C3orf70: variants seen among roughly 807,000 people sequenced by gnomAD.
The protein encoded by C3orf70 is chromosome 3 open reading frame 70, also known as UPF0524 protein C3orf70.
Under a neutral mutation model 20.7 loss-of-function variants are expected in C3orf70, and 15 were observed. The observed-to-expected ratio is 0.72, with a 90% CI of 0.48 to 1.11. The LOEUF (loss-of-function observed/expected upper bound fraction) is 1.11, where lower values mean the gene tolerates loss of function less well. C3orf70 is among the 50% of genes most tolerant of loss of function. The pLI, the probability that C3orf70 is intolerant of heterozygous loss-of-function variation, is 0.00. For synonymous variants in C3orf70, 161 were observed against 125.7 expected (o/e 1.28, Z -1.88); for missense variants, 332 against 317.6 (o/e 1.05, Z -0.34).
chr3:185,144,691 T>G (rs1219312051), intron 1 of C3orf70, among the ~76,000 whole-genome samples: 2 of 142,964 alleles, frequency 1.4e-5, no homozygotes, highest in African/African-American at 5.3e-5. Flanking sequence ...AGGCTGGTCT[T>G]GAACTCCTGA....
In C3orf70 at chr3:185,081,566, T is replaced by C. The variant is rs1021832800; in HGVS notation, c.*1441A>G. 6.6e-6 allele frequency: 1 copy of C among 152,220 alleles called. No homozygotes were observed. The highest frequency in any genetic ancestry group is 1.5e-5 in the Non-Finnish European group (1 of 68,040). 9.4% of individuals were successfully genotyped at this position (152,220 alleles called of 1,614,324 possible). On this transcript the variant is annotated 3_prime_UTR_variant, in exon 2 of 2. Coordinates refer to ENST00000335012, the MANE Select transcript of C3orf70 (RefSeq NM_001025266.3). ...CAACTCTGATGTTCTCATTAGGCCA[T>C]ACTTAAAATTTCCAGGATTTGAAAC...
chr3:185,092,116 A>G (rs1715603974), intron 1 of C3orf70, among the ~76,000 whole-genome samples: 1 of 151,092 alleles, frequency 6.6e-6, no homozygotes. Flanking sequence ...CATTTTTGAA[A>G]TTGTTTATCT....
In C3orf70 at chr3:185,110,048, G is replaced by A. The variant is rs537781395; in HGVS notation, c.197-26485C>T. ...GTCTGAACAAAACGGTCGGATGGCA[G>A]AAATGATAAAAAGTATGACAAGAGT... On this transcript the variant is annotated intron_variant, in intron 1 of 1. Transcript: ENST00000335012. 1.1e-4 allele frequency among the ~76,000 whole-genome samples: 16 copies of A among 152,352 alleles called. No homozygotes were observed. In the East Asian group the frequency reaches 2.9e-3, roughly 28 times the overall value.
intron 1 of C3orf70, among the ~76,000 whole-genome samples, chr3:185,100,140 C>T (rs58537319): frequency 0.052 from 7,909 of 151,906 alleles, 668 homozygotes; most frequent in African/African-American, 0.18. Context: ...ATTAGATCAC[C>T]GAGGCAAAAA....
intron 1 of C3orf70, among the ~76,000 whole-genome samples, chr3:185,119,347 G>A (rs116015940): frequency 0.013 from 2,010 of 152,182 alleles, 49 homozygotes; most frequent in African/African-American, 0.045. Flanking sequence ...GTTATATATG[G>A]CACTTGAAAT....
rs536918713 is a variant in C3orf70, at chr3:185,090,673, T to G, written c.197-7110A>C. Reference sequence around the variant, plus strand: ...ATTATTTTGAAAGTAATGCTAAATATTCTAATTTAGAAATTTCTGGAAGGT... The same window carrying G: ...ATTATTTTGAAAGTAATGCTAAATAGTCTAATTTAGAAATTTCTGGAAGGT... On this transcript the variant is annotated intron_variant, in intron 1 of 1. Transcript: ENST00000335012. Among the ~76,000 whole-genome samples the G allele has an allele frequency of 1.1e-4, 16 of 152,358 alleles. No homozygotes were observed. In the South Asian group the frequency reaches 1.4e-3, roughly 14 times the overall value.
At chr3:185,102,201 A>G (rs143662399) in intron 1 of C3orf70, among the ~76,000 whole-genome samples, 2 of 152,322 alleles carry the variant, frequency 1.3e-5, no homozygotes, top group African/African-American at 4.8e-5. Context: ...TCCTTCAGCT[A>G]ATAAACAACT....
chr3:185,081,096 G>C lies in C3orf70; in HGVS notation c.*1911C>G, dbSNP rs958016777. On this transcript the variant is annotated 3_prime_UTR_variant, in exon 2 of 2. Transcript: ENST00000335012. ...GAGTAGTTTGTGAATGATGCCAAAT[G>C]GAGGCTTCAGGGGAGAACACAACTT... 1.3e-5 allele frequency: 2 copies of C among 152,122 alleles called. No individual in the cohort carries two copies. The highest frequency in any genetic ancestry group is 4.8e-5 in the African/African-American group (2 of 41,418). The allele number at this position is 152,122 out of a possible 1,614,324, so 9.4% of individuals were successfully genotyped here.
intron 1 of C3orf70, among the ~76,000 whole-genome samples, chr3:185,127,889 G>T (rs1716445922): frequency 6.6e-6 from 1 of 152,200 alleles, no homozygotes; most frequent in Admixed American, 6.5e-5. Context: ...GTTACAGGAT[G>T]ATTTGGCCCA....
At chr3:185,087,912 CAT>C (rs1491380692) in intron 1 of C3orf70, among the ~76,000 whole-genome samples, 10 of 114,614 alleles carry the variant, frequency 8.7e-5, no homozygotes, top group African/African-American at 3.0e-4. Context: ...TAGTTTTATA[CAT>C]TTTTTTTTTT....
At chr3:185,138,696 C>T (rs1245174993) in intron 1 of C3orf70, among the ~76,000 whole-genome samples, 1 of 152,146 alleles carries the variant, frequency 6.6e-6, no homozygotes, top group Non-Finnish European at 1.5e-5. Flanking sequence ...AAACTTAATA[C>T]CCATTCAAGA....
At chr3:185,113,515 G>A (rs1211128569) in intron 1 of C3orf70, among the ~76,000 whole-genome samples, 6 of 152,146 alleles carry the variant, frequency 3.9e-5, no homozygotes, top group South Asian at 2.1e-4. Flanking sequence ...AAACTTATCC[G>A]GTCATAAAAT....
intron 1 of C3orf70, among the ~76,000 whole-genome samples, chr3:185,140,102 T>C (rs1204309019): frequency 6.6e-6 from 1 of 152,222 alleles, no homozygotes; most frequent in African/African-American, 2.4e-5. Flanking sequence ...GTCCCACAGT[T>C]GGCCCTCGGT....
intron 1 of C3orf70, among the ~76,000 whole-genome samples, chr3:185,097,625 TGAA>T (rs1210449953): frequency 1.3e-5 from 2 of 152,218 alleles, no homozygotes; most frequent in Non-Finnish European, 2.9e-5. Context: ...AGTAGCCTTA[TGAA>T]TGAGAGCAGA....
At chr3:185,104,764 A>G (rs35356675) in intron 1 of C3orf70, among the ~76,000 whole-genome samples, 9,037 of 152,288 alleles carry the variant, frequency 0.059, 377 homozygotes, top group South Asian at 0.11. Context: ...TGGAAGTGAA[A>G]TGATGAGAAC....
chr3:185,107,167 C>T (rs771698497), intron 1 of C3orf70, among the ~76,000 whole-genome samples: 11 of 152,166 alleles, frequency 7.2e-5, no homozygotes, highest in Non-Finnish European at 1.3e-4. Flanking sequence ...TAGCACTGGC[C>T]GTCCACGTGG....
At chr3:185,134,163 G>T (rs1040445757) in intron 1 of C3orf70, among the ~76,000 whole-genome samples, 2 of 150,266 alleles carry the variant, frequency 1.3e-5, no homozygotes, top group African/African-American at 4.9e-5. Context: ...AAGATATTGG[G>T]ATACAAATGA....
chr3:185,080,950 G>A lies in C3orf70; in HGVS notation c.*2057C>T, dbSNP rs893021558. 1 of 152,158 alleles carries A rather than the reference G, an allele frequency of 6.6e-6. No individual in the cohort carries two copies. Among genetic ancestry groups the A allele is most frequent in the Non-Finnish European group, 1.5e-5 (1 of 68,028 alleles). The allele number at this position is 152,158 out of a possible 1,614,324, so 9.4% of individuals were successfully genotyped here. A position where few individuals can be genotyped will look rare whatever the true frequency, so the allele number is the denominator to read the frequency against. ...AGTTTTAACTCATACTGTTTGCAAA[G>A]GAAAATGTATACTCTGCCTTCTAAA... is the stretch of plus-strand genomic sequence containing the variant. On this transcript the variant is annotated 3_prime_UTR_variant, in exon 2 of 2. Transcript: ENST00000335012.
intron 1 of C3orf70, among the ~76,000 whole-genome samples, chr3:185,129,258 T>C (rs753996440): frequency 6.6e-6 from 1 of 152,172 alleles, no homozygotes; most frequent in South Asian, 2.1e-4. Context: ...ACAGTGTCTA[T>C]TGTTCCCATG....
Sources: gnomAD v4.1 joint callset for allele counts (sites outside exome capture counted in the v4.1 genomes callset) on GRCh38, gnomAD v4.1.1 for gene constraint, MANE v1.5 for transcripts, NCBI Gene and HGNC (gene_info 2026-07-23, HGNC 2026-07-21) for gene names.